Variants in MGAT4A observed in about 807,000 individuals in gnomAD.
MGAT4A encodes alpha-1,3-mannosyl-glycoprotein 4-beta-N-acetylglucosaminyltransferase A.
A neutral mutation model predicts 74.1 loss-of-function variants in MGAT4A; 33 were observed. That is an observed-to-expected ratio of 0.45 (90% CI 0.34 to 0.60). The LOEUF (loss-of-function observed/expected upper bound fraction) is 0.60, where lower values mean the gene tolerates loss of function less well. Among genes scored for constraint, MGAT4A ranks in the 20% least tolerant of loss-of-function variants. The pLI is 0.02. For synonymous variants in MGAT4A, 198 were observed against 210.4 expected, an observed-to-expected ratio of 0.94 and a Z score of 0.51; for missense variants, 479 against 628.3, an observed-to-expected ratio of 0.76 and a Z score of 2.54.
intron 2 of MGAT4A, among the ~76,000 whole-genome samples, chr2:98,698,108 C>T (rs927303908): frequency 2.0e-5 from 3 of 152,114 alleles, no homozygotes; most frequent in Non-Finnish European, 4.4e-5. Flanking sequence ...TGCAGAAGAA[C>T]CAGAAGTAGT....
intron 2 of MGAT4A, among the ~76,000 whole-genome samples, chr2:98,708,668 T>C (rs1702474460): frequency 6.6e-6 from 1 of 152,204 alleles, no homozygotes; most frequent in Non-Finnish European, 1.5e-5. Context: ...CAACAGATTT[T>C]TGCATGATTC....
chr2:98,625,374 T>A lies in MGAT4A; in HGVS notation c.*192A>T. On this transcript the variant is annotated 3_prime_UTR_variant, in exon 16 of 16. Transcript: ENST00000393487. ...GAAAAATGTTTGAGTCAAGTTAAAATCTGAGGACAGCTTAGTTTCAAACAA... is the reference window on the plus strand; with the variant it reads ...GAAAAATGTTTGAGTCAAGTTAAAAACTGAGGACAGCTTAGTTTCAAACAA... 7.2e-7 allele frequency: 1 copy of A among 1,396,966 alleles called. No homozygotes were observed. Among genetic ancestry groups the A allele is most frequent in the Non-Finnish European group, 9.3e-7 (1 of 1,075,608 alleles). The allele number at this position is 1,396,966 out of a possible 1,614,324, so 86.5% of individuals were successfully genotyped here.
chr2:98,691,096 T>C (rs973856266), intron 2 of MGAT4A, among the ~76,000 whole-genome samples: 14 of 151,930 alleles, frequency 9.2e-5, no homozygotes, highest in Non-Finnish European at 1.9e-4. Context: ...AGAAGCAACA[T>C]AGAGAAAGAG....
chr2:98,700,159 G>A (rs1174709681), intron 2 of MGAT4A, among the ~76,000 whole-genome samples: 1 of 152,048 alleles, frequency 6.6e-6, no homozygotes, highest in Non-Finnish European at 1.5e-5. Context: ...AGCAGTGGCT[G>A]GAACACTGTG....
chr2:98,640,121 C>A lies in MGAT4A; in HGVS notation c.1128G>T (p.Thr376=). The change falls in exon 11 of 16, where the codon ACG becomes ACT. Residue 376 remains threonine (T), a splice_region_variant and synonymous_variant. Transcript: ENST00000393487. ...GAGAAAATAAAATTAAGTCACCAAC[C>A]GTGAGTTTTTGGATTTTTCCTGATA... ...SSLSGKIQKL[T]DKDYMKPLLL... 6.2e-7 allele frequency: 1 copy of A among 1,601,358 alleles called. No individual in the cohort carries two copies. The highest frequency in any genetic ancestry group is 8.5e-7 in the Non-Finnish European group (1 of 1,174,850).
chr2:98,694,832 A>G (rs1029371370), intron 2 of MGAT4A: 2 of 153,056 alleles, frequency 1.3e-5, no homozygotes, highest in African/African-American at 4.8e-5. Context: ...CAAAATAAAA[A>G]CAAAACAAAA....
chr2:98,715,304 C>A (rs1191897505), intron 2 of MGAT4A, among the ~76,000 whole-genome samples: 2 of 122,216 alleles, frequency 1.6e-5, no homozygotes, highest in Non-Finnish European at 1.6e-5. Flanking sequence ...GGTGACAGAG[C>A]TAGACTTCAT....
At chr2:98,718,439 AAATAGCACATG>A (rs1168170841) in intron 2 of MGAT4A, among the ~76,000 whole-genome samples, 5 of 152,246 alleles carry the variant, frequency 3.3e-5, no homozygotes, top group African/African-American at 1.2e-4. Context: ...TCTCAAGGAC[AAATAGCACATG>A]AATAAATGCC....
intron 3 of MGAT4A, 55 bp downstream of exon 3, chr2:98,678,249 A>AATATATAT (rs1553538281): frequency 6.7e-4 from 176 of 263,734 alleles, no homozygotes; most frequent in African/African-American, 2.5e-3. Flanking sequence ...AAAAAAAAAA[A>AATATATAT]ATATATATAT....
intron 2 of MGAT4A, among the ~76,000 whole-genome samples, chr2:98,709,688 G>A (rs1261016247): frequency 6.6e-6 from 1 of 152,176 alleles, no homozygotes; most frequent in Admixed American, 6.5e-5. Context: ...TGTGAAGAAT[G>A]TTTTTCAAAA....
In MGAT4A at chr2:98,635,273, T is replaced by C. The variant is rs1213641667; in HGVS notation, c.1417A>G (p.Ile473Val). The C allele has an allele frequency of 1.2e-6, 2 of 1,607,706 alleles. No individual in the cohort carries two copies. Among genetic ancestry groups the C allele is most frequent in the African/African-American group, 1.3e-5 (1 of 74,696 alleles). ...CGTTTGTCTTTGGTTTCTTTGCTTA[T>C]TTCCAAACCTTCACTCTAAAATAAA... is the stretch of plus-strand genomic sequence containing the variant. Reference protein sequence around the residue: ...VLPFKSEGLEISKETKDKRLE... With the variant: ...VLPFKSEGLEVSKETKDKRLE... Residue 473 changes from isoleucine to valine, a missense_variant, in exon 14 of 16, where the codon ATA (isoleucine) becomes GTA (valine). Ile to Val is a conservative substitution (Grantham distance 29, BLOSUM62 3). Coordinates refer to ENST00000393487, the MANE Select transcript of MGAT4A (RefSeq NM_012214.3).
chr2:98,662,798 A>G (rs1701770633), intron 5 of MGAT4A, among the ~76,000 whole-genome samples: 1 of 152,206 alleles, frequency 6.6e-6, no homozygotes, highest in Non-Finnish European at 1.5e-5. Context: ...AGCTAGAAAT[A>G]GGCACACGTT....
At chr2:98,683,565 A>G (rs1051436569) in intron 2 of MGAT4A, among the ~76,000 whole-genome samples, 2 of 152,012 alleles carry the variant, frequency 1.3e-5, no homozygotes, top group African/African-American at 4.8e-5. Flanking sequence ...TTTTAATACA[A>G]TGATGCTTTA....
intron 1 of MGAT4A, among the ~76,000 whole-genome samples, chr2:98,729,907 C>A (rs1443362054): frequency 6.6e-6 from 1 of 152,164 alleles, no homozygotes; most frequent in East Asian, 1.9e-4. Context: ...ATTTATTTGC[C>A]ATTTATAAAC....
At chr2:98,633,139 T>C (rs1009297152) in intron 14 of MGAT4A, among the ~76,000 whole-genome samples, 1 of 152,220 alleles carries the variant, frequency 6.6e-6, no homozygotes, top group Non-Finnish European at 1.5e-5. Context: ...GGGCCAAGTA[T>C]TCTCACCCTG....
At position 98,625,432 on chromosome 2, in the gene MGAT4A, T is replaced by C; in HGVS notation, c.*134A>G. 1 of 1,481,062 alleles carries C rather than the reference T, an allele frequency of 6.8e-7. No homozygotes were observed. The highest frequency in any genetic ancestry group is 1.4e-5 in the South Asian group (1 of 72,582). The allele number at this position is 1,481,062 out of a possible 1,614,324, so 91.7% of individuals were successfully genotyped here. A position where few individuals can be genotyped will look rare whatever the true frequency, so the allele number is the denominator to read the frequency against. On this transcript the variant is annotated 3_prime_UTR_variant, in exon 16 of 16. Coordinates refer to ENST00000393487, the MANE Select transcript of MGAT4A (RefSeq NM_012214.3). ...TATTATGGGAGATTCACTTTCCAAGTGGAAATGACAATCGTCTTATCTACA... is the reference window on the plus strand; with the variant it reads ...TATTATGGGAGATTCACTTTCCAAGCGGAAATGACAATCGTCTTATCTACA...
rs1029713348 is a variant in MGAT4A, at chr2:98,651,919, C to A, written c.774+3526G>T. 3.3e-5 allele frequency among the ~76,000 whole-genome samples: 5 copies of A among 152,152 alleles called. No individual in the cohort carries two copies. In the South Asian group the frequency reaches 1.0e-3, roughly 32 times the overall value. The stretch of plus-strand genomic sequence containing the variant: ...CTGAAAGAAAACAAGGATGGCCATA[C>A]TTAGACAAAATAAGACTTTAAGACA... On this transcript the variant is annotated intron_variant, in intron 8 of 15. Transcript: ENST00000393487.
At chr2:98,713,180 T>C (rs1248382102) in intron 2 of MGAT4A, among the ~76,000 whole-genome samples, 9 of 83,352 alleles carry the variant, frequency 1.1e-4, no homozygotes, top group South Asian at 4.0e-4. Flanking sequence ...GGCAAGATCA[T>C]GTCTCAAAAA....
At position 98,639,879 on chromosome 2, in the gene MGAT4A, G is replaced by A. The variant is rs896042616; in HGVS notation, c.1251C>T (p.Phe417=). 6.2e-7 allele frequency: 1 copy of A among 1,614,022 alleles called. No homozygotes were observed. Among genetic ancestry groups the A allele is most frequent in the African/African-American group, 1.3e-5 (1 of 74,920 alleles). ...CAGCTATCGGTGTGATAGCCCAGAA[G>A]AAATCCTCTCCCATGTAAGTTTTCT... ...TLEKTYMGED[F]FWAITPIAGD... The change falls in exon 12 of 16, where the codon TTC becomes TTT. Residue 417 remains phenylalanine (F), a synonymous_variant. Coordinates refer to ENST00000393487, the MANE Select transcript of MGAT4A (RefSeq NM_012214.3).
Sources: allele counts gnomAD v4.1 joint callset (sites outside exome capture counted in the v4.1 genomes callset), GRCh38; gene constraint gnomAD v4.1.1; transcripts MANE v1.5; gene names NCBI Gene and HGNC (gene_info 2026-07-23, HGNC 2026-07-21).